The following SLIT3 variants were observed in gnomAD, a reference collection of about 807,000 sequenced individuals.
The protein encoded by SLIT3 is slit guidance ligand 3.
SLIT3 carries 68 observed loss-of-function variants against 184.0 expected under a neutral mutation model. The observed-to-expected ratio is 0.37, with a 90% CI of 0.30 to 0.45. The LOEUF (loss-of-function observed/expected upper bound fraction) is 0.45, where lower values mean the gene tolerates loss of function less well. Ranked by LOEUF, SLIT3 falls within the 20% of genes least tolerant of loss-of-function variation. The pLI is 1.00. For missense variants in SLIT3, 1,707 were observed against 2,026.0 expected (o/e 0.84, Z 3.02); for synonymous variants, 831 against 828.6 (o/e 1.00, Z -0.05).
At chr5:168,783,963 G>T (rs1049241447) in intron 12 of SLIT3, among the ~76,000 whole-genome samples, 1 of 152,130 alleles carries the variant, frequency 6.6e-6, no homozygotes, top group African/African-American at 2.4e-5. Flanking sequence ...AAGTCCTGTT[G>T]GTTCTATTAA....
intron 1 of SLIT3, among the ~76,000 whole-genome samples, chr5:169,295,466 C>A (rs193286589): frequency 1.3e-5 from 2 of 152,356 alleles, no homozygotes. Context: ...GAAGACCGTG[C>A]GCTCATCATC....
intron 4 of SLIT3, among the ~76,000 whole-genome samples, chr5:169,115,265 T>A (rs1027417879): frequency 6.6e-6 from 1 of 151,400 alleles, no homozygotes; most frequent in African/African-American, 2.4e-5. Context: ...CTTGGAAGCT[T>A]TTCTTCCCCA....
In SLIT3 at chr5:168,771,235, G is replaced by T. The variant is rs148391691; in HGVS notation, c.1459+1546C>A. Among the ~76,000 whole-genome samples, 332 of 152,242 alleles carry T rather than the reference G, an allele frequency of 2.2e-3. 1 individual carries two copies. The Middle Eastern group carries it at 0.031, about 14-fold the overall frequency. ...TGGGGATAGGACGATTGTGCTTTGG[G>T]TGAGATTTTCTTTCCAGAGATGTTG... On this transcript the variant is annotated intron_variant, in intron 14 of 35. Transcript: ENST00000519560.
At chr5:168,752,895 G>A in intron 18 of SLIT3, 60 bp downstream of exon 18, 12 of 1,529,830 alleles carry the variant, frequency 7.8e-6, no homozygotes, top group Non-Finnish European at 1.1e-5. Context: ...GAGCTGGGAG[G>A]AGAGAGCGCT....
intron 20 of SLIT3, among the ~76,000 whole-genome samples, chr5:168,737,853 T>C (rs1388675603): frequency 1.3e-5 from 2 of 152,164 alleles, no homozygotes; most frequent in African/African-American, 4.8e-5. Flanking sequence ...TCTAAAATAG[T>C]GAGGTAAGCA....
chr5:168,857,433 TA>T, intron 5 of SLIT3, among the ~76,000 whole-genome samples: 1 of 152,218 alleles, frequency 6.6e-6, no homozygotes, highest in South Asian at 2.1e-4. Flanking sequence ...AGTGGAAAAA[TA>T]AAAACAGTTT....
intron 4 of SLIT3, among the ~76,000 whole-genome samples, chr5:168,884,549 G>GATAATATAT (rs1554153412): frequency 2.4e-5 from 1 of 41,138 alleles, no homozygotes; most frequent in African/African-American, 1.1e-4. Flanking sequence ...CCAATTACGA[G>GATAATATAT]ATATATATAT....
At chr5:169,165,683 C>A (rs1415506455) in intron 4 of SLIT3, among the ~76,000 whole-genome samples, 1 of 152,194 alleles carries the variant, frequency 6.6e-6, no homozygotes, top group Non-Finnish European at 1.5e-5. Flanking sequence ...TTAAAGCCTT[C>A]CTTGGCTACC....
At chr5:169,199,943 A>T (rs1763861204) in intron 3 of SLIT3, among the ~76,000 whole-genome samples, 1 of 152,220 alleles carries the variant, frequency 6.6e-6, no homozygotes, top group Admixed American at 6.5e-5. Flanking sequence ...ATAAATCAAA[A>T]GGTAGGAAAG....
chr5:168,751,174 A>AG (rs138108138), intron 18 of SLIT3, among the ~76,000 whole-genome samples: 2,092 of 152,234 alleles, frequency 0.014, 50 homozygotes, highest in African/African-American at 0.047. Flanking sequence ...GGGGACAGGC[A>AG]GGGCATGAGG....
intron 3 of SLIT3, among the ~76,000 whole-genome samples, chr5:169,236,475 T>C (rs973808876): frequency 2.0e-5 from 2 of 100,434 alleles, no homozygotes; most frequent in Non-Finnish European, 4.3e-5. Context: ...AGTGTTTTGT[T>C]TTGTTTTTTT....
rs1767667349 is a variant in SLIT3, at chr5:169,300,895, C to A, written c.-186G>T. On this transcript the variant is annotated 5_prime_UTR_variant, in exon 1 of 36. Transcript: ENST00000519560. The surrounding 1 kb of genome is among the most constrained non-coding windows in gnomAD (Gnocchi z 4.1). Reference sequence around the variant, plus strand: ...AGCGGGGCGCTCCGGGCGGCGGCGGCGGCAGCAACAGCAGCTCCATCGGCG... The same window carrying A: ...AGCGGGGCGCTCCGGGCGGCGGCGGAGGCAGCAACAGCAGCTCCATCGGCG... The A allele has an allele frequency of 2.9e-6, 1 of 344,440 alleles. No homozygotes were observed. Among genetic ancestry groups the A allele is most frequent in the East Asian group, 6.2e-5 (1 of 16,194 alleles). 21.3% of individuals were successfully genotyped at this position (344,440 alleles called of 1,614,324 possible).
chr5:168,711,688 TA>T (rs983105462), intron 24 of SLIT3, among the ~76,000 whole-genome samples: 2 of 152,068 alleles, frequency 1.3e-5, no homozygotes, highest in African/African-American at 4.8e-5. Context: ...CAGAGGTGTA[TA>T]AAAAAATGTA....
intron 6 of SLIT3, among the ~76,000 whole-genome samples, chr5:168,827,531 C>T (rs948443939): frequency 2.0e-5 from 3 of 152,190 alleles, no homozygotes; most frequent in Non-Finnish European, 4.4e-5. Flanking sequence ...TCTCCACTTC[C>T]TGGGACCTTC....
chr5:168,814,925 G>C (rs556886557), intron 8 of SLIT3, among the ~76,000 whole-genome samples: 1 of 152,258 alleles, frequency 6.6e-6, no homozygotes, highest in South Asian at 2.1e-4. Context: ...GAGAGTAACG[G>C]CTCACAGCAT....
intron 3 of SLIT3, among the ~76,000 whole-genome samples, chr5:169,213,986 A>G (rs1345592): frequency 0.31 from 46,466 of 152,060 alleles, 8,088 homozygotes; most frequent in East Asian, 0.69. Context: ...TCAAGTTCAA[A>G]GAGACAGCAG....
chr5:168,814,780 G>C (rs554346971), intron 8 of SLIT3, among the ~76,000 whole-genome samples: 3 of 152,306 alleles, frequency 2.0e-5, no homozygotes, highest in Admixed American at 6.5e-5. Context: ...AATTATTTTT[G>C]CACCCACGTA....
At chr5:168,703,139 A>G (rs1013951170) in intron 26 of SLIT3, among the ~76,000 whole-genome samples, 5 of 151,942 alleles carry the variant, frequency 3.3e-5, no homozygotes, top group Admixed American at 6.6e-5. Flanking sequence ...AGCCTGATTC[A>G]ATTCTCTTCA....
At chr5:168,914,246 G>A (rs1055981477) in intron 4 of SLIT3, among the ~76,000 whole-genome samples, 1 of 152,160 alleles carries the variant, frequency 6.6e-6, no homozygotes. Flanking sequence ...TTGCCCAAGG[G>A]GGTCTCCGAA....
Sources: allele counts gnomAD v4.1 joint callset (sites outside exome capture counted in the v4.1 genomes callset), GRCh38; gene constraint gnomAD v4.1.1; non-coding constraint Gnocchi (gnomAD v3.1); transcripts MANE v1.5; gene names NCBI Gene and HGNC (gene_info 2026-07-23, HGNC 2026-07-21).